Variants in TMEM114 observed in about 807,000 individuals in gnomAD.
TMEM114 encodes the protein claudin-26.
In TMEM114, 6 loss-of-function variants were observed where a neutral mutation model predicts 6.2. The ratio of observed to expected loss-of-function variants is 0.97; its 90% CI spans 0.53 to 1.91. The LOEUF (loss-of-function observed/expected upper bound fraction) is 1.91. Ranked by LOEUF, TMEM114 falls within the 40% of genes most tolerant of loss-of-function variation. The pLI, the probability that TMEM114 is intolerant of heterozygous loss-of-function variation, is 0.01. For missense variants in TMEM114, 218 were observed against 158.3 expected, an observed-to-expected ratio of 1.38 and a Z score of -2.02; for synonymous variants, 104 against 73.0, an observed-to-expected ratio of 1.42 and a Z score of -2.16.
chr16:8,577,712 G>A (rs1436941074), intron 2 of TMEM114, among the ~76,000 whole-genome samples: 3 of 151,804 alleles, frequency 2.0e-5, no homozygotes, highest in African/African-American at 7.3e-5. Flanking sequence ...GCCTCCTGAG[G>A]AGCTGGGACT....
chr16:8,567,267 A>G (rs1901577462), downstream of TMEM114, among the ~76,000 whole-genome samples: 1 of 151,980 alleles, frequency 6.6e-6, no homozygotes, highest in African/African-American at 2.4e-5. Context: ...TCTCAGATAG[A>G]TTATTGGTTC....
chr16:8,568,565 G>C (rs180821459), downstream of TMEM114, among the ~76,000 whole-genome samples: 1 of 152,176 alleles, frequency 6.6e-6, no homozygotes, highest in Admixed American at 6.5e-5. Context: ...CAGTGTTGAC[G>C]TCATGGTGAT....
At chr16:8,574,199 C>T (rs1901836839) in intron 2 of TMEM114, among the ~76,000 whole-genome samples, 1 of 152,136 alleles carries the variant, frequency 6.6e-6, no homozygotes, top group South Asian at 2.1e-4. Flanking sequence ...CATTTAATTA[C>T]TCAGAACCTC....
intron 2 of TMEM114, among the ~76,000 whole-genome samples, chr16:8,562,716 G>GGGAA: frequency 1.3e-5 from 2 of 151,564 alleles, no homozygotes; most frequent in African/African-American, 4.9e-5. Flanking sequence ...AAATGAGTGA[G>GGGAA]TGAGGGAGGG....
intron 2 of TMEM114, among the ~76,000 whole-genome samples, chr16:8,561,428 T>A (rs947890483): frequency 1.1e-4 from 16 of 152,230 alleles, no homozygotes; most frequent in Non-Finnish European, 2.4e-4. Context: ...CCAGCCATGT[T>A]TACTGTCTGT....
intron 2 of TMEM114, among the ~76,000 whole-genome samples, chr16:8,550,798 C>G (rs1459440564): frequency 6.6e-6 from 1 of 152,080 alleles, no homozygotes; most frequent in Non-Finnish European, 1.5e-5. Flanking sequence ...CCCATATCCA[C>G]ACATGCTTGT....
downstream of TMEM114, among the ~76,000 whole-genome samples, chr16:8,565,287 C>A (rs952492056): frequency 6.6e-6 from 1 of 151,984 alleles, no homozygotes; most frequent in African/African-American, 2.4e-5. Flanking sequence ...AGACTGAATG[C>A]GTGCATGAAT....
At chr16:8,566,897 G>GTTTTTTTT (rs71150402), downstream of TMEM114, among the ~76,000 whole-genome samples, 4 of 98,318 alleles carry the variant, frequency 4.1e-5, no homozygotes, top group African/African-American at 8.2e-5. Context: ...CATCACCCTG[G>GTTTTTTTT]TTTTTTTTTT....
At chr16:8,552,348 C>G (rs1232360944) in intron 2 of TMEM114, among the ~76,000 whole-genome samples, 1 of 151,984 alleles carries the variant, frequency 6.6e-6, no homozygotes, top group Non-Finnish European at 1.5e-5. Flanking sequence ...CACTCCACTG[C>G]TCTCCAGCCT....
chr16:8,547,851 T>C (rs920853814), intron 2 of TMEM114, among the ~76,000 whole-genome samples: 2 of 152,076 alleles, frequency 1.3e-5, no homozygotes, highest in African/African-American at 2.4e-5. Flanking sequence ...AACAGGCAAG[T>C]TCACAGCTGA....
At chr16:8,558,130 G>T (rs925762525) in intron 2 of TMEM114, among the ~76,000 whole-genome samples, 1 of 152,146 alleles carries the variant, frequency 6.6e-6, no homozygotes, top group East Asian at 1.9e-4. Context: ...GTGCATGCTT[G>T]TAATCCCAGC....
intron 2 of TMEM114, among the ~76,000 whole-genome samples, chr16:8,584,224 A>G (rs1393188661): frequency 6.6e-6 from 1 of 152,234 alleles, no homozygotes; most frequent in East Asian, 1.9e-4. Flanking sequence ...TACATGAACC[A>G]GTGATTTCTT....
rs1266004256 is a variant in TMEM114, at chr16:8,564,173, ATGAG to A, written n.212+25036_212+25039del. ...AATGAGTTAGTGAATGAGTGAGTAAATGAGTGAGTGAGTGCATGAATGAGTGAGT... is the reference window on the plus strand; with the variant it reads ...AATGAGTTAGTGAATGAGTGAGTAAATGAGTGAGTGCATGAATGAGTGAGT... On this transcript the variant is annotated intron_variant and non_coding_transcript_variant, in intron 2 of 2. Coordinates refer to the TMEM114 transcript ENST00000623677. Among the ~76,000 whole-genome samples the A allele has an allele frequency of 4.5e-4, 67 of 149,190 alleles. 2 individuals are homozygous for A. The highest frequency in any genetic ancestry group is 1.4e-3 in the African/African-American group (55 of 39,538).
intron 2 of TMEM114, among the ~76,000 whole-genome samples, chr16:8,542,234 C>T (rs1367399340): frequency 6.6e-6 from 1 of 152,204 alleles, no homozygotes; most frequent in African/African-American, 2.4e-5. Flanking sequence ...TCTGTTCCAC[C>T]TGTAGGGCTC....
At chr16:8,574,505 C>G (rs1385022024) in intron 2 of TMEM114, among the ~76,000 whole-genome samples, 1 of 152,170 alleles carries the variant, frequency 6.6e-6, no homozygotes, top group South Asian at 2.1e-4. Context: ...CCAAGGCTGT[C>G]CTGTGATAAA....
intron 2 of TMEM114, among the ~76,000 whole-genome samples, chr16:8,562,372 ATGAG>A (rs796228691): frequency 8.1e-4 from 107 of 132,734 alleles, no homozygotes; most frequent in African/African-American, 2.5e-3. Context: ...GAGTGAATGA[ATGAG>A]TGAGTGAGGG....
rs1901326705 is a variant in TMEM114 at position 8,563,004 on chromosome 16, GT to G, written n.213-25179del. 1.7e-4 allele frequency among the ~76,000 whole-genome samples: 24 copies of G among 143,886 alleles called. 1 individual carries two copies. The highest frequency in any genetic ancestry group is 2.2e-4 in the South Asian group (1 of 4,480). 94.4% of individuals were successfully genotyped at this position (143,886 alleles called of 152,430 possible). On this transcript the variant is annotated intron_variant and non_coding_transcript_variant, in intron 2 of 2. Transcript: ENST00000623677. ...AGGGAAGGAGTGAGTGAATGAGTGA[GT>G]GAATGAATGAGTGAGTGAGGGAATG...
intron 2 of TMEM114, among the ~76,000 whole-genome samples, chr16:8,543,921 A>G (rs1382383875): frequency 1.3e-5 from 2 of 152,218 alleles, no homozygotes; most frequent in Non-Finnish European, 2.9e-5. Flanking sequence ...TCCTTGTGTA[A>G]AAAACCATGC....
chr16:8,528,378 C>T, the TMEM114 span, among the ~76,000 whole-genome samples: 4 of 152,144 alleles, frequency 2.6e-5, no homozygotes, highest in Non-Finnish European at 4.4e-5. Flanking sequence ...GCTCATGCAC[C>T]ATGCTGTTCT....
Sources: allele counts gnomAD v4.1 joint callset (sites outside exome capture counted in the v4.1 genomes callset), GRCh38; gene constraint gnomAD v4.1.1; transcripts MANE v1.5; gene names NCBI Gene and HGNC (gene_info 2026-07-23, HGNC 2026-07-21).